KCNIP4: variants seen among roughly 807,000 people sequenced by gnomAD.
The protein encoded by KCNIP4 is Kv channel-interacting protein 4.
In KCNIP4, 12 loss-of-function variants were observed where a neutral mutation model predicts 34.0. The ratio of observed to expected loss-of-function variants is 0.35; its 90% CI spans 0.23 to 0.57. The LOEUF (loss-of-function observed/expected upper bound fraction) is 0.57, where lower values mean the gene tolerates loss of function less well. KCNIP4 is among the 20% of genes least tolerant of loss of function. The probability of loss-of-function intolerance (pLI) is 0.83; values close to 1 mark genes in which losing one functional copy is unlikely to be tolerated. For synonymous variants in KCNIP4, 124 were observed against 102.2 expected (o/e 1.21, Z -1.29); for missense variants, 238 against 311.7 (o/e 0.76, Z 1.78).
At chr4:21,648,891 G>A (rs1322535266) in intron 1 of KCNIP4, among the ~76,000 whole-genome samples, 1 of 152,066 alleles carries the variant, frequency 6.6e-6, no homozygotes, top group East Asian at 1.9e-4. Context: ...AAATTCCCTT[G>A]TGTTTGCTTT....
Position 20,912,334 on chromosome 4 carries a change from A to T in KCNIP4, c.62-29625T>A, listed in dbSNP as rs115345524. Among the ~76,000 whole-genome samples, 627 of 152,306 alleles carry T rather than the reference A, an allele frequency of 4.1e-3. 6 individuals are homozygous for T. Among genetic ancestry groups the T allele is most frequent in the African/African-American group, 0.014 (570 of 41,568 alleles). On this transcript the variant is annotated intron_variant, in intron 1 of 8. Transcript: ENST00000382152. Reference sequence around the variant, plus strand: ...AAAATTAGAGATAAAAAATGAATTCAGCAAGTTTTAGGATACAAGATCAAT... The same window carrying T: ...AAAATTAGAGATAAAAAATGAATTCTGCAAGTTTTAGGATACAAGATCAAT...
intron 1 of KCNIP4, among the ~76,000 whole-genome samples, chr4:21,823,779 T>A (rs944309092): frequency 5.3e-5 from 8 of 152,142 alleles, no homozygotes; most frequent in Admixed American, 5.2e-4. Flanking sequence ...GAGATTCTAA[T>A]TCTAAAAACA....
At chr4:21,794,757 T>G (rs185303553) in intron 1 of KCNIP4, among the ~76,000 whole-genome samples, 1 of 152,176 alleles carries the variant, frequency 6.6e-6, no homozygotes, top group African/African-American at 2.4e-5. Flanking sequence ...CATGCACCTG[T>G]AATCCCAGCT....
intron 1 of KCNIP4, among the ~76,000 whole-genome samples, chr4:21,919,596 C>T (rs1434363846): frequency 2.0e-5 from 3 of 152,122 alleles, no homozygotes; most frequent in African/African-American, 7.2e-5. Flanking sequence ...TGCCCAGCTC[C>T]TGGGATAAAT....
chr4:21,884,231 G>C (rs530123820), intron 1 of KCNIP4, among the ~76,000 whole-genome samples: 52 of 152,198 alleles, frequency 3.4e-4, no homozygotes, highest in African/African-American at 1.2e-3. Context: ...CCAGTTCTTG[G>C]TGACAGGCTA....
At chr4:21,248,858 G>A (rs1038124210) in intron 1 of KCNIP4, among the ~76,000 whole-genome samples, 7 of 151,956 alleles carry the variant, frequency 4.6e-5, no homozygotes, top group African/African-American at 1.5e-4. Flanking sequence ...AACTTTCAAA[G>A]TCAAACACCT....
chr4:21,350,715 C>T (rs1717924876), intron 1 of KCNIP4, among the ~76,000 whole-genome samples: 1 of 152,140 alleles, frequency 6.6e-6, no homozygotes, highest in South Asian at 2.1e-4. Flanking sequence ...AATTTCTGCT[C>T]AGGCAACACC....
chr4:20,778,988 A>G (rs1050457699), intron 3 of KCNIP4, among the ~76,000 whole-genome samples: 1 of 152,146 alleles, frequency 6.6e-6, no homozygotes, highest in Non-Finnish European at 1.5e-5. Flanking sequence ...GGAAAAGAGG[A>G]AGAGACAGGG....
intron 1 of KCNIP4, among the ~76,000 whole-genome samples, chr4:20,900,282 CT>C (rs1388416222): frequency 1.3e-5 from 2 of 152,086 alleles, no homozygotes; most frequent in African/African-American, 4.8e-5. Context: ...CATATGTAAG[CT>C]TTAAAAGAAT....
chr4:21,009,698 C>G (rs1317328345), intron 1 of KCNIP4, among the ~76,000 whole-genome samples: 1 of 152,186 alleles, frequency 6.6e-6, no homozygotes, highest in Non-Finnish European at 1.5e-5. Context: ...CCCTTTATTT[C>G]CAAGTTCCTA....
chr4:21,935,076 G>C (rs976518628), intron 1 of KCNIP4, among the ~76,000 whole-genome samples: 3 of 151,918 alleles, frequency 2.0e-5, no homozygotes, highest in Non-Finnish European at 4.4e-5. Context: ...CTGGAGTATA[G>C]AGCCTGCCTA....
At chr4:21,861,450 G>T (rs187935513) in intron 1 of KCNIP4, among the ~76,000 whole-genome samples, 1 of 152,038 alleles carries the variant, frequency 6.6e-6, no homozygotes, top group Admixed American at 6.5e-5. Context: ...TCAGGAGTTC[G>T]AAACCTGCCT....
At chr4:21,042,509 T>G (rs559574291) in intron 1 of KCNIP4, among the ~76,000 whole-genome samples, 7 of 152,166 alleles carry the variant, frequency 4.6e-5, no homozygotes, top group East Asian at 3.9e-4. Flanking sequence ...AGCAGAAGAA[T>G]AATAATTACC....
chr4:21,468,251 TAA>T (rs978007101), intron 1 of KCNIP4, among the ~76,000 whole-genome samples: 15 of 149,988 alleles, frequency 1.0e-4, no homozygotes, highest in African/African-American at 3.4e-4. Context: ...GGAAAGACAA[TAA>T]ACATCAGAAA....
intron 1 of KCNIP4, among the ~76,000 whole-genome samples, chr4:21,004,841 TTC>T (rs1738423171): frequency 6.6e-6 from 1 of 151,966 alleles, no homozygotes; most frequent in Admixed American, 6.6e-5. Context: ...ACAGGTGTGT[TTC>T]TGTTTTACGG....
At chr4:21,419,971 A>G (rs1408450006) in intron 1 of KCNIP4, among the ~76,000 whole-genome samples, 1 of 152,160 alleles carries the variant, frequency 6.6e-6, no homozygotes, top group Non-Finnish European at 1.5e-5. Flanking sequence ...GTCAAAAATA[A>G]TTATAAACAA....
chr4:21,346,693 G>A (rs59616856), intron 1 of KCNIP4, among the ~76,000 whole-genome samples: 1 of 151,944 alleles, frequency 6.6e-6, no homozygotes, highest in African/African-American at 2.4e-5. Flanking sequence ...AATCACCTGG[G>A]GAATCTTGTT....
At chr4:21,599,512 G>T (rs939634117) in intron 1 of KCNIP4, among the ~76,000 whole-genome samples, 1 of 151,822 alleles carries the variant, frequency 6.6e-6, no homozygotes, top group Non-Finnish European at 1.5e-5. Context: ...GCCACAGACT[G>T]TGTTAAGTAC....
chr4:21,840,299 A>G (rs2109319260), intron 1 of KCNIP4, among the ~76,000 whole-genome samples: 1 of 152,032 alleles, frequency 6.6e-6, no homozygotes, highest in Non-Finnish European at 1.5e-5. Flanking sequence ...CTACCACACT[A>G]GTGAGTCTCC....
Sources: allele counts gnomAD v4.1 joint callset (sites outside exome capture counted in the v4.1 genomes callset), GRCh38; gene constraint gnomAD v4.1.1; transcripts MANE v1.5; gene names NCBI Gene and HGNC (gene_info 2026-07-23, HGNC 2026-07-21).